The following CD86 variants were observed in gnomAD, a reference collection of about 807,000 sequenced individuals.
CD86 encodes T-lymphocyte activation antigen CD86.
CD86 carries 11 observed loss-of-function variants against 32.1 expected under a neutral mutation model. The observed-to-expected ratio is 0.34, with a 90% CI of 0.22 to 0.57. The LOEUF (loss-of-function observed/expected upper bound fraction) is 0.57. CD86 is among the 20% of genes least tolerant of loss of function. CD86 has a pLI of 0.86. For missense variants in CD86, 359 were observed against 398.4 expected, an observed-to-expected ratio of 0.90 and a Z score of 0.84; for synonymous variants, 137 against 135.3, an observed-to-expected ratio of 1.01 and a Z score of -0.09.
intron 4 of CD86, 139 bp from the exon 5 acceptor site, chr3:122,109,126 C>A: frequency 1.2e-6 from 1 of 803,690 alleles, no homozygotes; most frequent in Non-Finnish European, 1.9e-6. Context: ...CTTTCTATGG[C>A]CTCCTATTGT....
chr3:122,055,623 T>G (rs879068118), intron 1 of CD86, 120 bp downstream of exon 1: 2 of 908,342 alleles, frequency 2.2e-6, no homozygotes, highest in South Asian at 3.0e-5. Flanking sequence ...GGAGAAGCTT[T>G]CTTTTTCTAC....
At chr3:122,109,237 C>A (rs774442767) in intron 4 of CD86, 28 bp from the exon 5 acceptor site, 2 of 1,605,228 alleles carry the variant, frequency 1.2e-6, no homozygotes, top group Middle Eastern at 1.7e-4. Flanking sequence ...ACTCTCCTGG[C>A]TGATTGAAAA....
At chr3:122,057,566 A>G (rs2072256025) in intron 1 of CD86, among the ~76,000 whole-genome samples, 2 of 152,338 alleles carry the variant, frequency 1.3e-5, no homozygotes, top group South Asian at 2.1e-4. Context: ...GTGCTTTTCA[A>G]TTTGAATCCC....
chr3:122,076,979 G>A (rs1416863245), intron 1 of CD86, among the ~76,000 whole-genome samples: 1 of 152,144 alleles, frequency 6.6e-6, no homozygotes, highest in Non-Finnish European at 1.5e-5. Flanking sequence ...TTGTGTGGAT[G>A]AGCCTCCCCA....
intron 5 of CD86, among the ~76,000 whole-genome samples, chr3:122,113,846 GCTAC>G (rs1230295249): frequency 7.9e-5 from 12 of 152,212 alleles, no homozygotes; most frequent in Non-Finnish European, 1.3e-4. Flanking sequence ...TATCTGAAGA[GCTAC>G]CATGGGATGC....
intron 1 of CD86, among the ~76,000 whole-genome samples, chr3:122,058,829 G>T (rs1184183956): frequency 6.6e-6 from 1 of 152,110 alleles, no homozygotes; most frequent in Non-Finnish European, 1.5e-5. Flanking sequence ...GAGACTATTG[G>T]AGTAAGCCAA....
intron 1 of CD86, among the ~76,000 whole-genome samples, chr3:122,089,774 T>C (rs967737045): frequency 6.6e-6 from 1 of 152,210 alleles, no homozygotes; most frequent in African/African-American, 2.4e-5. Context: ...GGAAACAACG[T>C]TAAGTATCCA....
intron 5 of CD86, 92 bp downstream of exon 5, chr3:122,109,500 G>C: frequency 6.9e-7 from 1 of 1,450,782 alleles, no homozygotes; most frequent in Admixed American, 1.9e-5. Flanking sequence ...GCTGAGCCTA[G>C]ACTGGCAAAA....
At chr3:122,097,944 A>G (rs1219336769) in intron 2 of CD86, among the ~76,000 whole-genome samples, 1 of 152,156 alleles carries the variant, frequency 6.6e-6, no homozygotes, top group African/African-American at 2.4e-5. Context: ...TAAGATTGCA[A>G]GTATGTGAAA....
chr3:122,071,602 A>G (rs1346901374), intron 1 of CD86, among the ~76,000 whole-genome samples: 4 of 152,178 alleles, frequency 2.6e-5, no homozygotes, highest in Non-Finnish European at 5.9e-5. Flanking sequence ...ATAAGTCTTC[A>G]ATTCAATTGA....
At chr3:122,062,225 A>G (rs936242950) in intron 1 of CD86, among the ~76,000 whole-genome samples, 4 of 152,186 alleles carry the variant, frequency 2.6e-5, no homozygotes, top group Admixed American at 6.5e-5. Context: ...AATCATGCTA[A>G]TAAGTATGCA....
At chr3:122,109,464 G>T in intron 5 of CD86, 56 bp downstream of exon 5, 1 of 1,597,832 alleles carries the variant, frequency 6.3e-7, no homozygotes, top group South Asian at 1.1e-5. Context: ...CTTCCCAATC[G>T]GCTGGCTGCC....
intron 1 of CD86, chr3:122,078,067 C>A (rs1016689086): frequency 1.0e-6 from 1 of 985,238 alleles, no homozygotes; most frequent in East Asian, 1.1e-4. Flanking sequence ...GAGGCTCAGA[C>A]GCCTAGGGAG....
chr3:122,085,101 C>A (rs1559903983), intron 1 of CD86, among the ~76,000 whole-genome samples: 1 of 152,156 alleles, frequency 6.6e-6, no homozygotes, highest in Non-Finnish European at 1.5e-5. Flanking sequence ...TTCCTAGCAC[C>A]AAACACAATG....
At chr3:122,075,661 C>T (rs1246166570) in intron 1 of CD86, among the ~76,000 whole-genome samples, 3 of 152,068 alleles carry the variant, frequency 2.0e-5, no homozygotes, top group African/African-American at 7.2e-5. Context: ...CCTTACAGTC[C>T]AGCAACTCTA....
At chr3:122,073,429 G>GATATATCTTTTGCAA in intron 1 of CD86, among the ~76,000 whole-genome samples, 1 of 152,090 alleles carries the variant, frequency 6.6e-6, no homozygotes, top group South Asian at 2.1e-4. Flanking sequence ...CCCTTTATCA[G>GATATATCTTTTGCAA]ATATATCTTT....
chr3:122,087,648 T>C (rs2072746876), intron 1 of CD86, among the ~76,000 whole-genome samples: 1 of 152,124 alleles, frequency 6.6e-6, no homozygotes, highest in Non-Finnish European at 1.5e-5. Flanking sequence ...GTCCAGAGTG[T>C]TTTCTAGGAT....
rs147711464 is a variant in CD86 at position 122,106,391 on chromosome 3, C to T, written c.594C>T (p.Asp198=). The T allele has an allele frequency of 4.6e-5, 74 of 1,613,804 alleles. No individual in the cohort carries two copies. The highest frequency in any genetic ancestry group is 6.0e-5 in the Non-Finnish European group (71 of 1,179,800). ...AAGATAATGTCACAGAACTGTACGA[C>T]GTTTCCATCAGCTTGTCTGTTTCAT... ...KSQDNVTELY[D]VSISLSVSFP... The change falls in exon 4 of 7, where the codon GAC becomes GAT. Residue 198 remains aspartate (D), a synonymous_variant. Coordinates refer to ENST00000330540, the MANE Select transcript of CD86 (RefSeq NM_175862.5).
At chr3:122,090,245 T>A (rs987470955) in intron 1 of CD86, among the ~76,000 whole-genome samples, 2 of 152,144 alleles carry the variant, frequency 1.3e-5, no homozygotes, top group Non-Finnish European at 2.9e-5. Context: ...AACAGACACT[T>A]CTAGCCCAAT....
Sources: gnomAD v4.1 joint callset for allele counts (sites outside exome capture counted in the v4.1 genomes callset) on GRCh38, gnomAD v4.1.1 for gene constraint, MANE v1.5 for transcripts, NCBI Gene and HGNC (gene_info 2026-07-23, HGNC 2026-07-21) for gene names.